Variants in SLC9A9 observed in about 807,000 individuals in gnomAD.
The protein encoded by SLC9A9 is sodium/hydrogen exchanger 9.
A neutral mutation model predicts 77.8 loss-of-function variants in SLC9A9; 62 were observed. The observed-to-expected ratio is 0.80, with a 90% CI of 0.65 to 0.98. The LOEUF (loss-of-function observed/expected upper bound fraction) is 0.98. Ranked by LOEUF, SLC9A9 falls within the 50% of genes least tolerant of loss-of-function variation. The pLI is 0.00. For missense variants in SLC9A9, 775 were observed against 774.9 expected, an observed-to-expected ratio of 1.00 and a Z score of 0.00; for synonymous variants, 320 against 283.5, an observed-to-expected ratio of 1.13 and a Z score of -1.29.
chr3:143,329,869 C>T (rs1200174296), intron 14 of SLC9A9, among the ~76,000 whole-genome samples: 1 of 152,136 alleles, frequency 6.6e-6, no homozygotes, highest in South Asian at 2.1e-4. Context: ...TTCCTCCCAG[C>T]TTTTGTTCCG....
chr3:143,543,373 G>T (rs2036718541), intron 9 of SLC9A9, among the ~76,000 whole-genome samples: 2 of 123,754 alleles, frequency 1.6e-5, no homozygotes, highest in Non-Finnish European at 3.4e-5. Flanking sequence ...TCTGGGACTT[G>T]TCAAGCTTTT....
chr3:143,802,178 G>T (rs1560086814), intron 2 of SLC9A9, among the ~76,000 whole-genome samples: 2 of 152,066 alleles, frequency 1.3e-5, no homozygotes, highest in Admixed American at 6.6e-5. Context: ...AAGGCAAATG[G>T]TTCTTAGACC....
chr3:143,423,471 A>T (rs1041263580), intron 12 of SLC9A9, among the ~76,000 whole-genome samples: 1 of 152,180 alleles, frequency 6.6e-6, no homozygotes. Flanking sequence ...ATCTCATTGC[A>T]CCAATTAACA....
At chr3:143,267,445 G>A (rs1164267566) in intron 15 of SLC9A9, among the ~76,000 whole-genome samples, 1 of 150,588 alleles carries the variant, frequency 6.6e-6, no homozygotes, top group African/African-American at 2.5e-5. Flanking sequence ...GGTCTCTGGG[G>A]TTCAAGTGAT....
intron 12 of SLC9A9, among the ~76,000 whole-genome samples, chr3:143,428,859 C>T (rs900207624): frequency 6.6e-6 from 1 of 152,126 alleles, no homozygotes; most frequent in Non-Finnish European, 1.5e-5. Context: ...GGAGTCCAAA[C>T]AGTTGATTTC....
At position 143,697,095 on chromosome 3, in the gene SLC9A9, T is replaced by C. The variant is rs573047027; in HGVS notation, c.534-3788A>G. 2.9e-4 allele frequency among the ~76,000 whole-genome samples: 44 copies of C among 151,784 alleles called. No homozygotes were observed. The South Asian group carries it at 7.3e-3, about 25-fold the overall frequency. Reference sequence around the variant, plus strand: ...AAATGAATGAATAACATAATACATATGATGACAGACTAACATGCAACTATT... The same window carrying C: ...AAATGAATGAATAACATAATACATACGATGACAGACTAACATGCAACTATT... On this transcript the variant is annotated intron_variant, in intron 4 of 15. Coordinates refer to ENST00000316549, the MANE Select transcript of SLC9A9 (RefSeq NM_173653.4).
intron 6 of SLC9A9, among the ~76,000 whole-genome samples, chr3:143,645,079 A>G (rs2038682082): frequency 6.6e-6 from 1 of 152,226 alleles, no homozygotes; most frequent in South Asian, 2.1e-4. Context: ...TGGAAGAAGC[A>G]GAATGAACAT....
At chr3:143,672,036 T>C (rs966019761) in intron 5 of SLC9A9, among the ~76,000 whole-genome samples, 1 of 152,214 alleles carries the variant, frequency 6.6e-6, no homozygotes, top group African/African-American at 2.4e-5. Flanking sequence ...GAACACAAAC[T>C]TTATACTATA....
intron 11 of SLC9A9, among the ~76,000 whole-genome samples, chr3:143,477,796 G>T (rs1001898811): frequency 4.6e-5 from 7 of 152,160 alleles, no homozygotes; most frequent in African/African-American, 1.4e-4. Context: ...TGCTGGGAGA[G>T]CACCTATCCC....
rs751739819 is a variant in SLC9A9 at position 143,574,208 on chromosome 3, T to C, written c.895-15A>G. 2.5e-6 allele frequency: 4 copies of C among 1,602,352 alleles called. No individual in the cohort carries two copies. In the African/African-American group the frequency reaches 5.4e-5, roughly 22 times the overall value. ...AATTTGGTCAAGTGAGGAAGATAAG[T>C]TAAGGGAAACAACAACAGCTTTTAC... is the stretch of plus-strand genomic sequence containing the variant. On this transcript the variant is annotated splice_polypyrimidine_tract_variant and intron_variant, in intron 7 of 15. Transcript: ENST00000316549.
At chr3:143,601,381 C>T (rs570630717) in intron 6 of SLC9A9, among the ~76,000 whole-genome samples, 22 of 152,308 alleles carry the variant, frequency 1.4e-4, no homozygotes, top group African/African-American at 5.3e-4. Context: ...AACAATATCT[C>T]ATCTGCATTT....
intron 4 of SLC9A9, among the ~76,000 whole-genome samples, chr3:143,722,950 A>G (rs1219920620): frequency 1.3e-5 from 2 of 152,162 alleles, no homozygotes; most frequent in African/African-American, 4.8e-5. Context: ...CCCTTATCCC[A>G]TATCACCAGT....
chr3:143,362,210 G>T (rs2032772638), intron 14 of SLC9A9, among the ~76,000 whole-genome samples: 2 of 152,266 alleles, frequency 1.3e-5, no homozygotes, highest in Admixed American at 6.5e-5. Context: ...CTCTCAAGAT[G>T]GTGGTAACCT....
At chr3:143,351,406 G>A (rs1271533575) in intron 14 of SLC9A9, among the ~76,000 whole-genome samples, 1 of 152,314 alleles carries the variant, frequency 6.6e-6, no homozygotes, top group Non-Finnish European at 1.5e-5. Flanking sequence ...AGATAGGTAC[G>A]TTCATCAGGG....
intron 14 of SLC9A9, among the ~76,000 whole-genome samples, chr3:143,274,547 C>T (rs1005671298): frequency 5.9e-5 from 9 of 152,094 alleles, no homozygotes; most frequent in Admixed American, 1.3e-4. Context: ...ACTCCCACTA[C>T]GGCTAATTTC....
At chr3:143,758,100 A>G (rs1433784041) in intron 4 of SLC9A9, among the ~76,000 whole-genome samples, 2 of 152,178 alleles carry the variant, frequency 1.3e-5, no homozygotes, top group Non-Finnish European at 2.9e-5. Context: ...CCTCTAAATA[A>G]AGGTAAAATC....
intron 5 of SLC9A9, among the ~76,000 whole-genome samples, chr3:143,663,824 A>T (rs749178956): frequency 1.3e-5 from 2 of 152,220 alleles, no homozygotes; most frequent in Non-Finnish European, 2.9e-5. Context: ...CTCATATGGG[A>T]TTATGTGAAA....
chr3:143,511,017 A>G (rs1576544899), intron 9 of SLC9A9, among the ~76,000 whole-genome samples: 2 of 152,302 alleles, frequency 1.3e-5, no homozygotes, highest in Admixed American at 6.5e-5. Context: ...CACTGAAAAG[A>G]CACGATTTCT....
chr3:143,390,205 ACT>A (rs1360071527), intron 12 of SLC9A9, among the ~76,000 whole-genome samples: 1 of 151,830 alleles, frequency 6.6e-6, no homozygotes, highest in Non-Finnish European at 1.5e-5. Flanking sequence ...ATTTCATGAA[ACT>A]CTATTGGGCT....
Sources: gnomAD v4.1 joint callset for allele counts (sites outside exome capture counted in the v4.1 genomes callset) on GRCh38, gnomAD v4.1.1 for gene constraint, MANE v1.5 for transcripts, NCBI Gene and HGNC (gene_info 2026-07-23, HGNC 2026-07-21) for gene names.